VOPP1: variants seen among roughly 807,000 people sequenced by gnomAD.
VOPP1 encodes WW domain binding protein VOPP1.
VOPP1 carries 8 observed loss-of-function variants against 23.5 expected under a neutral mutation model. The observed-to-expected ratio is 0.34, with a 90% CI of 0.20 to 0.61. The LOEUF is 0.61. Among genes scored for constraint, VOPP1 ranks in the 20% least tolerant of loss-of-function variants. VOPP1 has a pLI of 0.78. For synonymous variants in VOPP1, 83 were observed against 97.3 expected, an observed-to-expected ratio of 0.85 and a Z score of 0.86; for missense variants, 174 against 238.1, an observed-to-expected ratio of 0.73 and a Z score of 1.77.
chr7:55,508,702 C>T (rs2129033097), intron 2 of VOPP1, among the ~76,000 whole-genome samples: 1 of 152,238 alleles, frequency 6.6e-6, no homozygotes, highest in East Asian at 1.9e-4. Flanking sequence ...TTCTGGTTGA[C>T]TAAATATAAG....
chr7:55,474,974 G>A (rs1028147361), intron 4 of VOPP1, among the ~76,000 whole-genome samples: 4 of 152,192 alleles, frequency 2.6e-5, no homozygotes, highest in East Asian at 1.9e-4. Context: ...AAATAAGCAC[G>A]GCTGTAGCCT....
intron 1 of VOPP1, chr7:55,552,796 C>G: frequency 6.7e-7 from 1 of 1,498,100 alleles, no homozygotes; most frequent in Non-Finnish European, 8.9e-7. Flanking sequence ...CCTAGGAAAC[C>G]TCCCATGGGC....
chr7:55,526,577 G>A lies in VOPP1; in HGVS notation c.55-5447C>T, dbSNP rs1021600342. Reference sequence around the variant, plus strand: ...AAGCTCGTGACTCTGGGACATGAGGGAGTGGACAGCAGGGTCAAGGATCCA... The same window carrying A: ...AAGCTCGTGACTCTGGGACATGAGGAAGTGGACAGCAGGGTCAAGGATCCA... On this transcript the variant is annotated intron_variant, in intron 1 of 4. Transcript: ENST00000285279. 1.3e-5 allele frequency among the ~76,000 whole-genome samples: 2 copies of A among 152,184 alleles called. 1 individual carries two copies. Among genetic ancestry groups the A allele is most frequent in the Admixed American group, 1.3e-4 (2 of 15,272 alleles).
intron 2 of VOPP1, among the ~76,000 whole-genome samples, chr7:55,516,820 CT>C (rs1476588212): frequency 7.0e-6 from 1 of 143,474 alleles, no homozygotes; most frequent in African/African-American, 2.6e-5. Flanking sequence ...TAAGGAATAT[CT>C]GTTTTGGAGA....
At chr7:55,482,892 G>A (rs1253974703) in intron 4 of VOPP1, among the ~76,000 whole-genome samples, 1 of 152,218 alleles carries the variant, frequency 6.6e-6, no homozygotes, top group African/African-American at 2.4e-5. Flanking sequence ...GAAGCTGAGT[G>A]AAGACAACGG....
chr7:55,485,003 G>A (rs147249479), intron 4 of VOPP1, among the ~76,000 whole-genome samples: 1,747 of 152,302 alleles, frequency 0.011, 12 homozygotes, highest in Middle Eastern at 0.02. Flanking sequence ...AACCAGCACT[G>A]CTCCCAGAAA....
intron 4 of VOPP1, among the ~76,000 whole-genome samples, chr7:55,446,293 G>A (rs760137190): frequency 3.9e-5 from 6 of 151,960 alleles, no homozygotes; most frequent in East Asian, 1.9e-4. Flanking sequence ...GCGCCCGGCC[G>A]AGGTGATACA....
rs146029100 is a variant in VOPP1, at chr7:55,551,546, G to T, written c.54+20725C>A. On this transcript the variant is annotated intron_variant, in intron 1 of 4. Transcript: ENST00000285279. ...TCAGGAAATCTGTCAATAAGCTCTG[G>T]TCTAGTTTTTCCATTTCTAGAAATG... 2.1e-3 allele frequency among the ~76,000 whole-genome samples: 326 copies of T among 152,226 alleles called. 2 individuals carry two copies. Among genetic ancestry groups the T allele is most frequent in the African/African-American group, 7.6e-3 (316 of 41,532 alleles).
intron 2 of VOPP1, among the ~76,000 whole-genome samples, 180 bp from the exon 3 acceptor site, chr7:55,497,870 G>T (rs1794087615): frequency 6.6e-6 from 1 of 152,276 alleles, no homozygotes; most frequent in Non-Finnish European, 1.5e-5. Context: ...ACATCAGCCT[G>T]TGGCCCAAAG....
chr7:55,522,883 A>C (rs994774163), intron 1 of VOPP1, among the ~76,000 whole-genome samples: 8 of 152,218 alleles, frequency 5.3e-5, no homozygotes, highest in Non-Finnish European at 1.2e-4. Context: ...GCCACTTGAT[A>C]CTCTGGCAGC....
intron 4 of VOPP1, among the ~76,000 whole-genome samples, chr7:55,453,047 T>C (rs1791282289): frequency 7.4e-6 from 1 of 135,966 alleles, no homozygotes; most frequent in African/African-American, 2.5e-5. Flanking sequence ...TGTCTACATG[T>C]AAACTCTGTT....
chr7:55,515,035 C>T (rs981203079), intron 2 of VOPP1, among the ~76,000 whole-genome samples: 2 of 152,190 alleles, frequency 1.3e-5, no homozygotes, highest in Non-Finnish European at 2.9e-5. Flanking sequence ...TCTCTGTCCA[C>T]ACCCTGGCAT....
At chr7:55,453,216 T>G (rs960927459) in intron 4 of VOPP1, among the ~76,000 whole-genome samples, 6 of 152,198 alleles carry the variant, frequency 3.9e-5, no homozygotes, top group Non-Finnish European at 8.8e-5. Flanking sequence ...AGCTTCAAAC[T>G]TTTTTTCTGC....
At chr7:55,435,987 G>A (rs1790812094), downstream of VOPP1, 1 of 152,320 alleles carries the variant, frequency 6.6e-6, no homozygotes, top group Non-Finnish European at 1.5e-5. Context: ...CCCTCAGAAG[G>A]ACCCCGGAGT....
At chr7:55,520,336 T>C (rs1253821582) in intron 2 of VOPP1, among the ~76,000 whole-genome samples, 2 of 152,114 alleles carry the variant, frequency 1.3e-5, no homozygotes, top group Non-Finnish European at 2.9e-5. Flanking sequence ...TCGGGAAAAT[T>C]TGGTTAGGGC....
At chr7:55,502,646 G>A (rs1010291652) in intron 2 of VOPP1, among the ~76,000 whole-genome samples, 1 of 152,190 alleles carries the variant, frequency 6.6e-6, no homozygotes, top group African/African-American at 2.4e-5. Flanking sequence ...GTTCCAAAGA[G>A]CTGCAATTAC....
At chr7:55,487,168 T>C (rs182923738) in intron 4 of VOPP1, among the ~76,000 whole-genome samples, 9 of 152,334 alleles carry the variant, frequency 5.9e-5, no homozygotes, top group Admixed American at 5.2e-4. Context: ...TCCCTACTAT[T>C]TCCATTTTCT....
chr7:55,435,676 T>A (rs939542712), downstream of VOPP1, among the ~76,000 whole-genome samples: 6 of 152,352 alleles, frequency 3.9e-5, no homozygotes, highest in South Asian at 1.2e-3. Context: ...TTACCCAGGC[T>A]GCAGCTCCCC....
At chr7:55,466,677 G>A (rs922263425), downstream of VOPP1, among the ~76,000 whole-genome samples, 5 of 152,142 alleles carry the variant, frequency 3.3e-5, no homozygotes, top group African/African-American at 1.2e-4. Flanking sequence ...TTTTAAAAAA[G>A]AGATGGGATG....
Sources: allele counts gnomAD v4.1 joint callset (sites outside exome capture counted in the v4.1 genomes callset), GRCh38; gene constraint gnomAD v4.1.1; transcripts MANE v1.5; gene names NCBI Gene and HGNC (gene_info 2026-07-23, HGNC 2026-07-21).